COL21A1: variants seen among roughly 807,000 people sequenced by gnomAD.
COL21A1 encodes the protein collagen type XXI alpha 1 chain.
In COL21A1, 149 loss-of-function variants were observed where a neutral mutation model predicts 137.9. That is an observed-to-expected ratio of 1.08 (90% confidence interval 0.95 to 1.24). COL21A1 has a LOEUF of 1.24. Among genes scored for constraint, COL21A1 ranks in the 50% most tolerant of loss-of-function variants. The pLI, the probability that COL21A1 is intolerant of heterozygous loss-of-function variation, is 0.00. For synonymous variants in COL21A1, 456 were observed against 391.5 expected, an observed-to-expected ratio of 1.16 and a Z score of -1.95; for missense variants, 1,167 against 1,158.4, an observed-to-expected ratio of 1.01 and a Z score of -0.11.
At chr6:56,061,757 ATACT>A (rs1257099291) in intron 24 of COL21A1, 76 bp from the exon 25 acceptor site, 12 of 916,068 alleles carry the variant, frequency 1.3e-5, no homozygotes, top group East Asian at 8.0e-5. Flanking sequence ...CTTTTACCAC[ATACT>A]TAATTAAATT....
At position 56,346,074 on chromosome 6, in the gene COL21A1, T is replaced by C. The variant is rs368855539; in HGVS notation, c.-39+47897A>G. ...ACCTTTTGTAGTATTTTTTAAATTATAATTTATATACAGTAAAATACACAA... is the reference window on the plus strand; with the variant it reads ...ACCTTTTGTAGTATTTTTTAAATTACAATTTATATACAGTAAAATACACAA... On this transcript the variant is annotated intron_variant, in intron 1 of 28. Transcript: ENST00000370819. Among the ~76,000 whole-genome samples, 46 of 152,366 alleles carry C rather than the reference T, an allele frequency of 3.0e-4. 1 individual carries two copies. The South Asian group carries it at 8.9e-3, about 30-fold the overall frequency.
At chr6:56,184,401 A>G (rs1028003891) in intron 1 of COL21A1, among the ~76,000 whole-genome samples, 1 of 151,622 alleles carries the variant, frequency 6.6e-6, no homozygotes, top group Non-Finnish European at 1.5e-5. Flanking sequence ...ATGTGTAGAC[A>G]TCTAATATTA....
intron 1 of COL21A1, among the ~76,000 whole-genome samples, chr6:56,260,848 C>CTCTGTG (rs1554171257): frequency 1.4e-4 from 19 of 135,216 alleles, no homozygotes; most frequent in Non-Finnish European, 2.8e-4. Flanking sequence ...CTTTAATTCA[C>CTCTGTG]TGTGTGTGTG....
At chr6:56,160,882 GT>G (rs1166793402) in intron 9 of COL21A1, among the ~76,000 whole-genome samples, 8 of 152,138 alleles carry the variant, frequency 5.3e-5, no homozygotes, top group Non-Finnish European at 1.2e-4. Flanking sequence ...CAAATACGAC[GT>G]TTGTAAGCCT....
chr6:56,148,332 A>AGAGAGAGAGAGAGAGAG (rs752184303), intron 10 of COL21A1, among the ~76,000 whole-genome samples: 3 of 24,710 alleles, frequency 1.2e-4, no homozygotes, highest in Non-Finnish European at 2.8e-4. Context: ...TTAGTGAGAC[A>AGAGAGAGAGAGAGAGAG]AGAGACAGAG....
intron 1 of COL21A1, among the ~76,000 whole-genome samples, chr6:56,363,265 C>T (rs900137374): frequency 2.6e-5 from 4 of 152,232 alleles, no homozygotes; most frequent in African/African-American, 9.6e-5. Flanking sequence ...AGCAGCAGGT[C>T]ATATACACGT....
At chr6:56,336,853 A>G (rs543569597) in intron 1 of COL21A1, among the ~76,000 whole-genome samples, 83 of 152,316 alleles carry the variant, frequency 5.4e-4, no homozygotes, top group African/African-American at 2.0e-3. Context: ...CAAACCAGTT[A>G]TTTGGTACTG....
At chr6:56,374,888 T>G (rs535879773) in intron 1 of COL21A1, among the ~76,000 whole-genome samples, 38 of 142,414 alleles carry the variant, frequency 2.7e-4, no homozygotes, top group Non-Finnish European at 4.3e-4. Context: ...CACCTAGAAC[T>G]TGGTGAGATT....
chr6:56,339,628 A>G (rs113544218), intron 1 of COL21A1, among the ~76,000 whole-genome samples: 1 of 152,226 alleles, frequency 6.6e-6, no homozygotes, highest in South Asian at 2.1e-4. Context: ...GACTCAGTTC[A>G]CTTTTGAAAG....
chr6:56,238,295 T>G (rs1164295469), intron 1 of COL21A1, among the ~76,000 whole-genome samples: 1 of 151,888 alleles, frequency 6.6e-6, no homozygotes, highest in Non-Finnish European at 1.5e-5. Flanking sequence ...ATCTACTCTA[T>G]GGAAAAGGCT....
intron 1 of COL21A1, among the ~76,000 whole-genome samples, chr6:56,365,442 A>T (rs1351356668): frequency 6.6e-6 from 1 of 152,144 alleles, no homozygotes; most frequent in Non-Finnish European, 1.5e-5. Context: ...GTTTAATATA[A>T]ATAATTTTCT....
intron 17 of COL21A1, among the ~76,000 whole-genome samples, chr6:56,090,185 G>C (rs2114199400): frequency 6.6e-6 from 1 of 152,314 alleles, no homozygotes; most frequent in Middle Eastern, 3.4e-3. Context: ...GTTGCAGTGA[G>C]TCAAGATCGT....
chr6:56,138,483 A>C (rs934871163), intron 12 of COL21A1, among the ~76,000 whole-genome samples: 1 of 152,052 alleles, frequency 6.6e-6, no homozygotes, highest in African/African-American at 2.4e-5. Context: ...GCCAACGAGA[A>C]AACATGAAAA....
chr6:56,086,848 A>T (rs898425053), intron 17 of COL21A1, among the ~76,000 whole-genome samples: 2 of 152,142 alleles, frequency 1.3e-5, no homozygotes, highest in African/African-American at 4.8e-5. Context: ...AAGAAGTCAA[A>T]AGCAGTCTTA....
intron 1 of COL21A1, among the ~76,000 whole-genome samples, chr6:56,378,962 T>C (rs2094004430): frequency 6.6e-6 from 1 of 152,238 alleles, no homozygotes; most frequent in African/African-American, 2.4e-5. Context: ...TCTTGGATCT[T>C]GTCCAAGACC....
At chr6:56,324,084 T>G (rs1408538613) in intron 1 of COL21A1, among the ~76,000 whole-genome samples, 2 of 152,080 alleles carry the variant, frequency 1.3e-5, no homozygotes, top group African/African-American at 2.4e-5. Flanking sequence ...AACACAGATG[T>G]AGGAAATAAA....
intron 1 of COL21A1, among the ~76,000 whole-genome samples, chr6:56,258,094 T>C (rs1045097080): frequency 2.6e-5 from 4 of 152,154 alleles, no homozygotes; most frequent in African/African-American, 9.7e-5. Context: ...TTAAGGGGTG[T>C]CTTTTTGACT....
rs113140184 is a variant in COL21A1 at position 56,064,698 on chromosome 6, A to G, written c.2128-76T>C. ...ATCACATATGCAATACAAACTATGTATTACCTTGAGTTCCAGAAGAAACGT... is the reference window on the plus strand; with the variant it reads ...ATCACATATGCAATACAAACTATGTGTTACCTTGAGTTCCAGAAGAAACGT... On this transcript the variant is annotated intron_variant, in intron 23 of 29. Transcript: ENST00000244728. 16 of 881,512 alleles carry G rather than the reference A, an allele frequency of 1.8e-5. 1 individual carries two copies. The African/African-American group carries it at 1.9e-4, about 11-fold the overall frequency. The allele number at this position is 881,512 out of a possible 1,614,324, so 54.6% of individuals were successfully genotyped here. A position where few individuals can be genotyped will look rare whatever the true frequency, so the allele number is the denominator to read the frequency against.
intron 10 of COL21A1, among the ~76,000 whole-genome samples, chr6:56,142,333 G>C (rs1184257877): frequency 6.6e-6 from 1 of 152,124 alleles, no homozygotes; most frequent in Non-Finnish European, 1.5e-5. Flanking sequence ...AGAGATTGGA[G>C]GATTAAACAA....
Sources: allele counts gnomAD v4.1 joint callset (sites outside exome capture counted in the v4.1 genomes callset), GRCh38; gene constraint gnomAD v4.1.1; transcripts MANE v1.5; gene names NCBI Gene and HGNC (gene_info 2026-07-23, HGNC 2026-07-21).